EFCAB6: variants seen among roughly 807,000 people sequenced by gnomAD.
EFCAB6 encodes the protein EF-hand calcium binding domain 6.
A neutral mutation model predicts 169.8 loss-of-function variants in EFCAB6; 156 were observed. The ratio of observed to expected loss-of-function variants is 0.92; its 90% CI spans 0.81 to 1.05. The LOEUF (loss-of-function observed/expected upper bound fraction) is 1.05, where lower values mean the gene tolerates loss of function less well. EFCAB6 is among the 50% of genes least tolerant of loss of function. The pLI, the probability that EFCAB6 is intolerant of heterozygous loss-of-function variation, is 0.00. For missense variants in EFCAB6, 1,800 were observed against 1,829.1 expected, an observed-to-expected ratio of 0.98 and a Z score of 0.29; for synonymous variants, 698 against 676.4, an observed-to-expected ratio of 1.03 and a Z score of -0.50.
In EFCAB6 at chr22:43,744,141, AGATG is replaced by A. The variant is rs2060478246; in HGVS notation, c.508-8152_508-8149del. Among the ~76,000 whole-genome samples, 1 of 151,224 alleles carries A rather than the reference AGATG, an allele frequency of 6.6e-6. No individual in the cohort carries two copies. The highest frequency in any genetic ancestry group is 1.9e-4 in the East Asian group (1 of 5,142). On this transcript the variant is annotated intron_variant, in intron 6 of 31. Coordinates refer to ENST00000262726, the MANE Select transcript of EFCAB6 (RefSeq NM_022785.4). This position sits in a 1 kb window ranked among gnomAD's most constrained non-coding sequence, Gnocchi z 4.3. ...ATGGGTTATGGATGGATGGATGGGTAGATGGATGGATGGATGATGGATAGATGGG... is the reference window on the plus strand; with the variant it reads ...ATGGGTTATGGATGGATGGATGGGTAGATGGATGGATGATGGATAGATGGG...
intron 21 of EFCAB6, among the ~76,000 whole-genome samples, chr22:43,611,679 T>C (rs1029133266): frequency 2.0e-5 from 3 of 152,132 alleles, no homozygotes; most frequent in African/African-American, 7.2e-5. Context: ...ATGTCTGTGG[T>C]CCCAGCTATT....
chr22:43,753,835 C>T (rs2060859786), intron 6 of EFCAB6, among the ~76,000 whole-genome samples: 1 of 152,198 alleles, frequency 6.6e-6, no homozygotes, highest in Admixed American at 6.5e-5. Flanking sequence ...AATTCAGAGA[C>T]ATCTGCATGC....
intron 26 of EFCAB6, among the ~76,000 whole-genome samples, chr22:43,576,047 G>C (rs1361361681): frequency 3.9e-5 from 6 of 152,140 alleles, no homozygotes; most frequent in South Asian, 4.2e-4. Context: ...AAATCAACCA[G>C]AGAAAACAAG....
chr22:43,662,721 C>T (rs1024718176), intron 17 of EFCAB6, among the ~76,000 whole-genome samples: 2 of 152,208 alleles, frequency 1.3e-5, no homozygotes, highest in African/African-American at 4.8e-5. Flanking sequence ...CCAGCTACTA[C>T]CTTGAAACAC....
chr22:43,763,683 T>C (rs758703658), intron 5 of EFCAB6, among the ~76,000 whole-genome samples: 1 of 152,174 alleles, frequency 6.6e-6, no homozygotes, highest in Non-Finnish European at 1.5e-5. Context: ...TTAAATACAG[T>C]TTTCTCTGAT....
In EFCAB6 at chr22:43,572,663, C is replaced by A. The variant is rs1198309350; in HGVS notation, c.3420+3634G>T. On this transcript the variant is annotated intron_variant, in intron 26 of 31. Transcript: ENST00000262726. The surrounding 1 kb of genome is among the most constrained non-coding windows in gnomAD (Gnocchi z 4.0). ...CCCTTGCCCGATGTCACTGCTCACT[C>A]CCTCCCCTCCTCGTCGCTCGGATGT... 2.0e-5 allele frequency among the ~76,000 whole-genome samples: 3 copies of A among 152,230 alleles called. No individual in the cohort carries two copies. Among genetic ancestry groups the A allele is most frequent in the African/African-American group, 7.2e-5 (3 of 41,460 alleles).
At chr22:43,557,542 A>G (rs1307152439) in intron 26 of EFCAB6, among the ~76,000 whole-genome samples, 3 of 152,234 alleles carry the variant, frequency 2.0e-5, no homozygotes, top group African/African-American at 4.8e-5. Context: ...AAGATCTACC[A>G]TCTATCATTA....
intron 24 of EFCAB6, among the ~76,000 whole-genome samples, chr22:43,581,696 T>A (rs2050737415): frequency 6.6e-6 from 1 of 152,136 alleles, no homozygotes; most frequent in East Asian, 1.9e-4. Flanking sequence ...GCCGGTAAGG[T>A]GGAGACAGAA....
At chr22:43,561,784 A>C (rs2049054328) in intron 26 of EFCAB6, among the ~76,000 whole-genome samples, 1 of 152,162 alleles carries the variant, frequency 6.6e-6, no homozygotes, top group Admixed American at 6.5e-5. Context: ...GAATGGGGGA[A>C]AAAATAATGC....
intron 23 of EFCAB6, among the ~76,000 whole-genome samples, chr22:43,597,670 T>C (rs1035835200): frequency 6.6e-6 from 1 of 152,216 alleles, no homozygotes; most frequent in Non-Finnish European, 1.5e-5. Context: ...TGAAACACAG[T>C]ACGGCAATTT....
chr22:43,576,297 C>T lies in EFCAB6; in HGVS notation c.3420G>A (p.Glu1140=), dbSNP rs1447249460. 1 of 1,575,484 alleles carries T rather than the reference C, an allele frequency of 6.3e-7. No homozygotes were observed. The highest frequency in any genetic ancestry group is 8.6e-7 in the Non-Finnish European group (1 of 1,169,486). ...FLQNFSCFLE[E]TADEWAEKMP... ...GCTTATGTGCTGCAGACATTCTTACCTCCTCAAGGAAACAGCTAAAGTTCT... is the reference window on the plus strand; with the variant it reads ...GCTTATGTGCTGCAGACATTCTTACTTCCTCAAGGAAACAGCTAAAGTTCT... Residue 1140 remains glutamate, a splice_region_variant and synonymous_variant, in exon 26 of 32, where the codon GAG becomes GAA. Transcript: ENST00000262726.
chr22:43,726,023 A>G (rs1369232414), intron 8 of EFCAB6, among the ~76,000 whole-genome samples: 1 of 152,194 alleles, frequency 6.6e-6, no homozygotes, highest in Admixed American at 6.5e-5. Context: ...ATGAGAATGT[A>G]AGCTAATGCT....
rs144548915 is a variant in EFCAB6, at chr22:43,714,645, T to C, written c.882+2203A>G. Among the ~76,000 whole-genome samples the C allele has an allele frequency of 4.6e-5, 7 of 151,208 alleles. No homozygotes were observed. The East Asian group carries it at 1.4e-3, about 29-fold the overall frequency. On this transcript the variant is annotated intron_variant, in intron 9 of 31. Coordinates refer to ENST00000262726, the MANE Select transcript of EFCAB6 (RefSeq NM_022785.4). The stretch of plus-strand genomic sequence containing the variant: ...AGCAACATCCAATGCTAGAAGACAA[T>C]GGAAAAAATATTTACAACATTAAAG...
At chr22:43,554,660 A>G (rs966397049) in intron 27 of EFCAB6, 1 of 584,914 alleles carries the variant, frequency 1.7e-6, no homozygotes, top group Non-Finnish European at 3.0e-6. Context: ...CAGTGACAGT[A>G]TTTGTACCCT....
chr22:43,698,520 C>T (rs1214247687), intron 10 of EFCAB6, among the ~76,000 whole-genome samples: 1 of 152,182 alleles, frequency 6.6e-6, no homozygotes, highest in African/African-American at 2.4e-5. Flanking sequence ...GCAATGGTCT[C>T]AGACCCACAA....
rs2049947176 is a variant in EFCAB6 at position 43,572,414 on chromosome 22, C to T, written c.3420+3883G>A. Among the ~76,000 whole-genome samples the T allele has an allele frequency of 6.6e-6, 1 of 152,194 alleles. No homozygotes were observed. The highest frequency in any genetic ancestry group is 1.5e-5 in the Non-Finnish European group (1 of 68,034). Reference sequence around the variant, plus strand: ...CATGGAGCTTCAAGCCCGGTCTTCTCCACTTGCAGGTCCTTTAGGGGTATC... The same window carrying T: ...CATGGAGCTTCAAGCCCGGTCTTCTTCACTTGCAGGTCCTTTAGGGGTATC... On this transcript the variant is annotated intron_variant, in intron 26 of 31. Transcript: ENST00000262726. The surrounding 1 kb of genome is among the most constrained non-coding windows in gnomAD (Gnocchi z 4.0).
rs371675555 is a variant in EFCAB6 at position 43,738,003 on chromosome 22, C to T, written c.508-2010G>A. Among the ~76,000 whole-genome samples, 65 of 151,304 alleles carry T rather than the reference C, an allele frequency of 4.3e-4. 1 individual carries two copies. The Middle Eastern group carries it at 0.02, about 48-fold the overall frequency. On this transcript the variant is annotated intron_variant, in intron 6 of 31. Coordinates refer to ENST00000262726, the MANE Select transcript of EFCAB6 (RefSeq NM_022785.4). ...ATATTCGCACATATATTCACACACACATGCACATACACTCACACACACACA... is the reference window on the plus strand; with the variant it reads ...ATATTCGCACATATATTCACACACATATGCACATACACTCACACACACACA...
intron 2 of EFCAB6, among the ~76,000 whole-genome samples, chr22:43,799,336 C>CACACACACAT (rs1375451497): frequency 7.0e-6 from 1 of 142,522 alleles, no homozygotes; most frequent in South Asian, 2.2e-4. Context: ...TCTCCACACA[C>CACACACACAT]ACACACACAC....
At chr22:43,614,297 G>A (rs2053541274) in intron 21 of EFCAB6, among the ~76,000 whole-genome samples, 1 of 151,524 alleles carries the variant, frequency 6.6e-6, no homozygotes, top group Non-Finnish European at 1.5e-5. Flanking sequence ...GTAGACCAAT[G>A]GAACACAATA....
Sources: allele counts gnomAD v4.1 joint callset (sites outside exome capture counted in the v4.1 genomes callset), GRCh38; gene constraint gnomAD v4.1.1; non-coding constraint Gnocchi (gnomAD v3.1); transcripts MANE v1.5; gene names NCBI Gene and HGNC (gene_info 2026-07-23, HGNC 2026-07-21).